PXDNL: variants seen among roughly 807,000 people sequenced by gnomAD.
PXDNL encodes the protein probable oxidoreductase PXDNL.
A neutral mutation model predicts 150.8 loss-of-function variants in PXDNL; 145 were observed. The observed-to-expected ratio is 0.96, with a 90% CI of 0.84 to 1.10. The LOEUF (loss-of-function observed/expected upper bound fraction) is 1.10, where lower values mean the gene tolerates loss of function less well. PXDNL is among the 50% of genes least tolerant of loss of function. PXDNL has a pLI of 0.00. For synonymous variants in PXDNL, 757 were observed against 725.7 expected, an observed-to-expected ratio of 1.04 and a Z score of -0.69; for missense variants, 2,087 against 1,873.9, an observed-to-expected ratio of 1.11 and a Z score of -2.10.
chr8:51,463,802 C>T (rs376481855), intron 8 of PXDNL, among the ~76,000 whole-genome samples: 57 of 152,218 alleles, frequency 3.7e-4, no homozygotes, highest in Middle Eastern at 3.4e-3. Context: ...CCAAGAATAT[C>T]TCTCAAAATA....
intron 1 of PXDNL, among the ~76,000 whole-genome samples, chr8:51,660,078 C>G (rs980640496): frequency 5.9e-5 from 9 of 152,042 alleles, no homozygotes; most frequent in African/African-American, 2.2e-4. Flanking sequence ...TTAGTAGAGA[C>G]AGGGTTTCAC....
At chr8:51,739,780 G>A (rs972369458) in intron 1 of PXDNL, among the ~76,000 whole-genome samples, 1 of 151,372 alleles carries the variant, frequency 6.6e-6, no homozygotes, top group Non-Finnish European at 1.5e-5. Flanking sequence ...GGAGGCTGAG[G>A]CAGGAGAATG....
chr8:51,706,669 CA>C (rs1429114467), intron 1 of PXDNL, among the ~76,000 whole-genome samples: 1 of 152,108 alleles, frequency 6.6e-6, no homozygotes, highest in African/African-American at 2.4e-5. Flanking sequence ...GCCAGAAAAA[CA>C]AATAAAAGAG....
chr8:51,745,407 C>G (rs879919922), intron 1 of PXDNL, among the ~76,000 whole-genome samples: 1 of 152,182 alleles, frequency 6.6e-6, no homozygotes, highest in Admixed American at 6.5e-5. Context: ...TTAGTCCAGC[C>G]TCTCTACCTT....
chr8:51,461,290 G>T (rs1352166796), intron 8 of PXDNL, among the ~76,000 whole-genome samples: 1 of 152,200 alleles, frequency 6.6e-6, no homozygotes. Flanking sequence ...CAGGAGCTGG[G>T]TGTGCTTCCC....
At chr8:51,484,752 C>T (rs1048471170) in intron 5 of PXDNL, among the ~76,000 whole-genome samples, 7 of 152,164 alleles carry the variant, frequency 4.6e-5, no homozygotes, top group Non-Finnish European at 1.0e-4. Context: ...TCCCTCCACC[C>T]TAGTAGTCTT....
chr8:51,504,020 T>C (rs1411298531), intron 4 of PXDNL, among the ~76,000 whole-genome samples: 1 of 152,096 alleles, frequency 6.6e-6, no homozygotes, highest in Non-Finnish European at 1.5e-5. Flanking sequence ...CTGCTGTATA[T>C]CTATTTGCGC....
intron 1 of PXDNL, among the ~76,000 whole-genome samples, chr8:51,674,507 C>T (rs2130834408): frequency 6.6e-6 from 1 of 152,344 alleles, no homozygotes; most frequent in Middle Eastern, 3.4e-3. Context: ...TTGTATTGTT[C>T]ACTTAACATA....
intron 12 of PXDNL, chr8:51,436,427 C>T (rs952865578): frequency 5.2e-6 from 2 of 383,554 alleles, no homozygotes; most frequent in Non-Finnish European, 1.1e-5. Flanking sequence ...ATCACACCTG[C>T]AAAATACAGA....
At chr8:51,563,161 C>T (rs1240008716) in intron 3 of PXDNL, among the ~76,000 whole-genome samples, 3 of 151,958 alleles carry the variant, frequency 2.0e-5, no homozygotes, top group Non-Finnish European at 4.4e-5. Context: ...CCTGGGCAGC[C>T]ATCTTAGCCC....
At chr8:51,466,749 C>G (rs146734472) in intron 8 of PXDNL, among the ~76,000 whole-genome samples, 120 of 152,278 alleles carry the variant, frequency 7.9e-4, no homozygotes, top group Middle Eastern at 6.8e-3. Flanking sequence ...AGAACAGACA[C>G]TTCCCACAGG....
intron 17 of PXDNL, among the ~76,000 whole-genome samples, chr8:51,390,869 A>G (rs1362045471): frequency 3.9e-5 from 6 of 151,964 alleles, no homozygotes; most frequent in Admixed American, 6.6e-5. Context: ...AGCATTAGGT[A>G]TATGTCCTAA....
intron 13 of PXDNL, among the ~76,000 whole-genome samples, chr8:51,425,303 T>C (rs1384460103): frequency 6.6e-6 from 1 of 152,122 alleles, no homozygotes; most frequent in Non-Finnish European, 1.5e-5. Context: ...AGAGTAAATG[T>C]GATAGTGTGT....
rs1012867710 is a variant in PXDNL, at chr8:51,345,771, T to C, written c.4016+62A>G. 8.3e-6 allele frequency: 8 copies of C among 960,702 alleles called. No homozygotes were observed. In the African/African-American group the frequency reaches 1.3e-4, roughly 16 times the overall value. 59.5% of individuals were successfully genotyped at this position (960,702 alleles called of 1,614,324 possible). ...CTCTATTAAAAAAGATAAAAACAAA[T>C]TGTAGGTTTGAAGCAAATCTATAGT... On this transcript the variant is annotated intron_variant, in intron 20 of 22. Coordinates refer to ENST00000356297, the MANE Select transcript of PXDNL (RefSeq NM_144651.5).
At chr8:51,738,636 A>C (rs1288165871) in intron 1 of PXDNL, among the ~76,000 whole-genome samples, 1 of 152,190 alleles carries the variant, frequency 6.6e-6, no homozygotes, top group Non-Finnish European at 1.5e-5. Context: ...CAGTGTAAAA[A>C]AAAAAGGAAA....
At chr8:51,456,483 G>A (rs541218775) in intron 9 of PXDNL, among the ~76,000 whole-genome samples, 5 of 152,296 alleles carry the variant, frequency 3.3e-5, no homozygotes, top group African/African-American at 9.6e-5. Flanking sequence ...ATGGGCTGGA[G>A]CCGGCTCTGG....
rs116597871 is a variant in PXDNL, at chr8:51,381,095, C to T, written c.3558-6364G>A. ...TGTTGTCTTGTAAATTTCCTTGCCT[C>T]GTACTGTTATTGTTTATTTTAATAT... On this transcript the variant is annotated intron_variant, in intron 17 of 22. Transcript: ENST00000356297. Among the ~76,000 whole-genome samples, 235 of 152,126 alleles carry T rather than the reference C, an allele frequency of 1.5e-3. 2 individuals carry two copies. Among genetic ancestry groups the T allele is most frequent in the African/African-American group, 5.6e-3 (231 of 41,514 alleles).
At chr8:51,390,075 A>T (rs1441687253) in intron 17 of PXDNL, among the ~76,000 whole-genome samples, 1 of 152,190 alleles carries the variant, frequency 6.6e-6, no homozygotes, top group East Asian at 1.9e-4. Flanking sequence ...CCAAAAAAAA[A>T]TTCCATTCTA....
At chr8:51,789,921 T>C (rs1320113912) in intron 1 of PXDNL, among the ~76,000 whole-genome samples, 1 of 152,198 alleles carries the variant, frequency 6.6e-6, no homozygotes, top group Non-Finnish European at 1.5e-5. Context: ...CCTAAATATA[T>C]ATGCAAAATA....
Sources: gnomAD v4.1 joint callset for allele counts (sites outside exome capture counted in the v4.1 genomes callset) on GRCh38, gnomAD v4.1.1 for gene constraint, MANE v1.5 for transcripts, NCBI Gene and HGNC (gene_info 2026-07-23, HGNC 2026-07-21) for gene names.